MEGF11: variants seen among roughly 807,000 people sequenced by gnomAD.
MEGF11 encodes multiple EGF like domains 11, also known as multiple epidermal growth factor-like domains protein 11.
A neutral mutation model predicts 146.6 loss-of-function variants in MEGF11; 126 were observed. The observed-to-expected ratio is 0.86, with a 90% CI of 0.74 to 1.00. The LOEUF (loss-of-function observed/expected upper bound fraction) is 1.00, where lower values mean the gene tolerates loss of function less well. MEGF11 is among the 50% of genes least tolerant of loss of function. The pLI, the probability that MEGF11 is intolerant of heterozygous loss-of-function variation, is 0.00. For synonymous variants in MEGF11, 532 were observed against 583.4 expected, an observed-to-expected ratio of 0.91 and a Z score of 1.27; for missense variants, 1,509 against 1,521.2, an observed-to-expected ratio of 0.99 and a Z score of 0.13.
chr15:66,143,478 G>A (rs1364132901), intron 1 of MEGF11, among the ~76,000 whole-genome samples: 1 of 152,182 alleles, frequency 6.6e-6, no homozygotes, highest in Non-Finnish European at 1.5e-5. Flanking sequence ...GGTGCTTCTC[G>A]GGTGCAGACA....
At chr15:66,237,263 G>A (rs1013262369) in intron 1 of MEGF11, among the ~76,000 whole-genome samples, 6 of 152,022 alleles carry the variant, frequency 3.9e-5, no homozygotes, top group East Asian at 1.9e-4. Flanking sequence ...GTGTCTTATC[G>A]GCCAGAGAAG....
chr15:66,101,663 A>G (rs138740134), intron 4 of MEGF11, among the ~76,000 whole-genome samples: 2 of 152,176 alleles, frequency 1.3e-5, no homozygotes, highest in African/African-American at 4.8e-5. Context: ...ATATTAATAC[A>G]TCCTGAACAA....
intron 5 of MEGF11, among the ~76,000 whole-genome samples, chr15:66,004,227 C>T (rs2082453695): frequency 6.6e-6 from 1 of 152,094 alleles, no homozygotes; most frequent in Non-Finnish European, 1.5e-5. Flanking sequence ...GCTCTTAAGT[C>T]CTCCCCCTAG....
chr15:66,008,905 T>C (rs377339302), intron 5 of MEGF11, among the ~76,000 whole-genome samples: 2 of 151,938 alleles, frequency 1.3e-5, no homozygotes, highest in East Asian at 3.9e-4. Context: ...TTCTATACCA[T>C]TCTGCCTCTA....
At chr15:65,927,174 A>T (rs11633423) in intron 13 of MEGF11, among the ~76,000 whole-genome samples, 9,382 of 152,246 alleles carry the variant, frequency 0.062, 422 homozygotes, top group Non-Finnish European at 0.093. Flanking sequence ...GCTTTTACTG[A>T]GCACTTACTA....
chr15:66,043,076 G>A (rs1460821331), intron 5 of MEGF11, among the ~76,000 whole-genome samples: 3 of 152,210 alleles, frequency 2.0e-5, no homozygotes, highest in Admixed American at 6.5e-5. Context: ...CAAACAAGGC[G>A]GGCTGGGGCC....
At chr15:66,005,017 T>A (rs186940214) in intron 5 of MEGF11, among the ~76,000 whole-genome samples, 1 of 152,088 alleles carries the variant, frequency 6.6e-6, no homozygotes, top group African/African-American at 2.4e-5. Context: ...AGCCCAGGAG[T>A]TCGAGGTTGC....
chr15:65,946,695 C>T (rs935907622), intron 10 of MEGF11, among the ~76,000 whole-genome samples: 4 of 152,184 alleles, frequency 2.6e-5, no homozygotes, highest in Non-Finnish European at 5.9e-5. Context: ...ACCAAGCCTG[C>T]GTGCTGGTTC....
chr15:66,145,425 C>T (rs978007526), intron 1 of MEGF11, among the ~76,000 whole-genome samples: 1 of 152,004 alleles, frequency 6.6e-6, no homozygotes, highest in African/African-American at 2.4e-5. Flanking sequence ...CATGACATAA[C>T]GAGGAGCTGC....
chr15:66,179,236 G>A (rs931028127), intron 1 of MEGF11, among the ~76,000 whole-genome samples: 2 of 152,180 alleles, frequency 1.3e-5, no homozygotes, highest in Non-Finnish European at 2.9e-5. Context: ...AGGTTCTAGA[G>A]AGTCTCCCTT....
chr15:65,934,519 G>A (rs1024222700), intron 10 of MEGF11, among the ~76,000 whole-genome samples: 5 of 152,172 alleles, frequency 3.3e-5, no homozygotes, highest in African/African-American at 1.2e-4. Flanking sequence ...CCAAAGTGCT[G>A]GGATTACAGG....
chr15:65,908,962 A>G, intron 23 of MEGF11, 72 bp downstream of exon 23: 1 of 932,042 alleles, frequency 1.1e-6, no homozygotes, highest in Non-Finnish European at 1.7e-6. Flanking sequence ...GTCAAGGTGC[A>G]GGGATGGGGA....
chr15:66,127,967 C>A (rs1326592913), intron 2 of MEGF11, among the ~76,000 whole-genome samples: 5 of 152,244 alleles, frequency 3.3e-5, no homozygotes, highest in Non-Finnish European at 5.9e-5. Flanking sequence ...GGACCAAAGT[C>A]CGCATCCCCC....
rs531969311 is a variant in MEGF11 at position 66,229,752 on chromosome 15, T to C, written c.-9+23853A>G. ...GCAAAGCCCAGACAACAGAGAGAGC[T>C]GGGTAGCGGGGAGCAGCTGGGTGGA... On this transcript the variant is annotated intron_variant, in intron 1 of 25. Transcript: ENST00000395614. Among the ~76,000 whole-genome samples the C allele has an allele frequency of 5.3e-5, 8 of 151,710 alleles. No homozygotes were observed. In the East Asian group the frequency reaches 1.6e-3, roughly 29 times the overall value.
intron 5 of MEGF11, among the ~76,000 whole-genome samples, chr15:66,048,083 C>T (rs755324329): frequency 3.3e-5 from 5 of 152,130 alleles, no homozygotes; most frequent in Non-Finnish European, 7.4e-5. Flanking sequence ...GAAGCTGGGA[C>T]TACAGGCATG....
intron 4 of MEGF11, among the ~76,000 whole-genome samples, chr15:66,108,347 C>T (rs973500622): frequency 6.6e-5 from 10 of 152,302 alleles, no homozygotes; most frequent in African/African-American, 2.2e-4. Flanking sequence ...TTCTGAGCCC[C>T]TACTATGTGC....
rs374217720 is a variant in MEGF11, at chr15:66,189,883, GA to G, written c.-8-61473del. 3.5e-3 allele frequency among the ~76,000 whole-genome samples: 528 copies of G among 152,276 alleles called. 3 individuals carry two copies. Among genetic ancestry groups the G allele is most frequent in the African/African-American group, 0.012 (499 of 41,540 alleles). ...GCAATCGTATTCTTCTCAGGAGGCT[GA>G]AATGACAGGATCACTTGAGCCCAGG... On this transcript the variant is annotated intron_variant, in intron 1 of 25. Transcript: ENST00000395614.
intron 1 of MEGF11, among the ~76,000 whole-genome samples, chr15:66,190,244 G>C (rs1289451957): frequency 6.6e-6 from 1 of 152,208 alleles, no homozygotes; most frequent in African/African-American, 2.4e-5. Flanking sequence ...ATTTAGGGTA[G>C]ACACTAAATG....
At chr15:66,150,404 C>G (rs994003888) in intron 1 of MEGF11, among the ~76,000 whole-genome samples, 4 of 152,082 alleles carry the variant, frequency 2.6e-5, no homozygotes, top group African/African-American at 9.7e-5. Context: ...ATATTAATTA[C>G]CGGAGAAAGG....
Sources: allele counts gnomAD v4.1 joint callset (sites outside exome capture counted in the v4.1 genomes callset), GRCh38; gene constraint gnomAD v4.1.1; transcripts MANE v1.5; gene names NCBI Gene and HGNC (gene_info 2026-07-23, HGNC 2026-07-21).